Variants in CRYZL1 observed in about 807,000 individuals in gnomAD.
CRYZL1 encodes crystallin zeta like 1, also known as ferry endosomal RAB5 effector complex subunit 4.
CRYZL1 carries 34 observed loss-of-function variants against 50.6 expected under a neutral mutation model. The ratio of observed to expected loss-of-function variants is 0.67; its 90% CI spans 0.51 to 0.89. The LOEUF is 0.89. Ranked by LOEUF, CRYZL1 falls within the 40% of genes least tolerant of loss-of-function variation. The pLI, the probability that CRYZL1 is intolerant of heterozygous loss-of-function variation, is 0.00. For missense variants in CRYZL1, 354 were observed against 402.3 expected, an observed-to-expected ratio of 0.88 and a Z score of 1.03; for synonymous variants, 125 against 134.3, an observed-to-expected ratio of 0.93 and a Z score of 0.48.
chr21:33,639,443 A>G (rs2087250407), intron 1 of CRYZL1, among the ~76,000 whole-genome samples: 1 of 152,246 alleles, frequency 6.6e-6, no homozygotes, highest in African/African-American at 2.4e-5. Flanking sequence ...GGTGTGATGA[A>G]TGAGTCTTCC....
Position 33,613,581 on chromosome 21 carries a change from G to A in CRYZL1, c.288C>T (p.Asp96=), listed in dbSNP as rs750095337. Residue 96 remains aspartate (D), a synonymous_variant, in exon 6 of 13, where the codon GAC becomes GAT. Coordinates refer to ENST00000381554, the MANE Select transcript of CRYZL1 (RefSeq NM_145858.3). ...VVGILPLDSE[D]PGLCEVVRVH... ...CTCTAACAACTTCACAAAGTCCAGG[G>A]TCTTCAGAGTCCAGGGGCAAAATTC... The A allele has an allele frequency of 1.2e-6, 2 of 1,613,300 alleles. No homozygotes were observed. Among genetic ancestry groups the A allele is most frequent in the Non-Finnish European group, 1.7e-6 (2 of 1,179,326 alleles).
chr21:33,640,153 A>G, intron 1 of CRYZL1: 1 of 1,548,436 alleles, frequency 6.5e-7, no homozygotes, highest in East Asian at 2.5e-5. Flanking sequence ...TCTTCTGCTC[A>G]TAAAACTCTC....
intron 4 of CRYZL1, among the ~76,000 whole-genome samples, chr21:33,621,078 T>C (rs922763156): frequency 4.1e-5 from 6 of 148,118 alleles, no homozygotes; most frequent in South Asian, 2.1e-4. Flanking sequence ...GCTAATTTTT[T>C]GTATTTTTAG....
intron 1 of CRYZL1, among the ~76,000 whole-genome samples, chr21:33,634,891 ATAT>A (rs2087185764): frequency 2.7e-5 from 4 of 149,552 alleles, no homozygotes; most frequent in African/African-American, 9.7e-5. Context: ...ATATATATAT[ATAT>A]ATATATATAT....
At chr21:33,610,448 G>A (rs2086859694) in intron 6 of CRYZL1, among the ~76,000 whole-genome samples, 1 of 152,096 alleles carries the variant, frequency 6.6e-6, no homozygotes, top group South Asian at 2.1e-4. Flanking sequence ...GAGCCACCAC[G>A]CCTGTCGTAC....
At chr21:33,640,533 A>C (rs2087273028) in intron 1 of CRYZL1, among the ~76,000 whole-genome samples, 1 of 152,228 alleles carries the variant, frequency 6.6e-6, no homozygotes, top group South Asian at 2.1e-4. Context: ...ATAAGGATTA[A>C]ATAATACCTG....
At chr21:33,621,088 G>T (rs1198373583) in intron 4 of CRYZL1, among the ~76,000 whole-genome samples, 6 of 148,228 alleles carry the variant, frequency 4.0e-5, no homozygotes, top group Admixed American at 1.3e-4. Context: ...TGTATTTTTA[G>T]TAGAGACAGG....
In CRYZL1 at chr21:33,595,750, T is replaced by C. The variant is rs756547679; in HGVS notation, c.885A>G (p.Val295=). The change falls in exon 11 of 13, where the codon GTA becomes GTG. Residue 295 remains valine, a synonymous_variant. Coordinates refer to ENST00000381554, the MANE Select transcript of CRYZL1 (RefSeq NM_145858.3). ...LNDEVWNLSN[V]QQGKYLCILK... Reference sequence around the variant, plus strand: ...GGATATAAAGATATTTTCCCTGTTGTACATTTGACAAATTCCAAACTTCAT... The same window carrying C: ...GGATATAAAGATATTTTCCCTGTTGCACATTTGACAAATTCCAAACTTCAT... 1.9e-6 allele frequency: 3 copies of C among 1,613,874 alleles called. No homozygotes were observed. Among genetic ancestry groups the C allele is most frequent in the Non-Finnish European group, 1.7e-6 (2 of 1,179,744 alleles).
chr21:33,640,721 A>G (rs866304223), intron 1 of CRYZL1, among the ~76,000 whole-genome samples: 1 of 152,224 alleles, frequency 6.6e-6, no homozygotes. Context: ...TAATTTCTGC[A>G]GTAGGCTACT....
chr21:33,591,283 G>A, intron 11 of CRYZL1, 76 bp from the exon 12 acceptor site: 3 of 1,170,072 alleles, frequency 2.6e-6, no homozygotes, highest in Admixed American at 1.7e-5. Flanking sequence ...AGGATGCCAG[G>A]CAGGCCACTT....
At chr21:33,596,278 T>C in intron 10 of CRYZL1, 1 of 399,480 alleles carries the variant, frequency 2.5e-6, no homozygotes, top group Non-Finnish European at 5.0e-6. Flanking sequence ...GTGATAATTT[T>C]ATATAGAAAT....
At chr21:33,631,354 T>C in intron 2 of CRYZL1, 132 bp downstream of exon 2, 1 of 526,890 alleles carries the variant, frequency 1.9e-6, no homozygotes, top group Non-Finnish European at 3.2e-6. Flanking sequence ...TAAAGGAAAG[T>C]ACTGTAATTT....
At chr21:33,637,760 CATAT>C (rs10536195) in intron 1 of CRYZL1, among the ~76,000 whole-genome samples, 15,293 of 131,598 alleles carry the variant, frequency 0.12, 1,031 homozygotes, top group East Asian at 0.35. Context: ...AAGAGAAAAA[CATAT>C]ATATATATAT....
chr21:33,602,350 GT>G lies in CRYZL1; in HGVS notation c.466-6del. ...AATAGCTATTGTACCAAATGCCTGTGTAGAAAAAAATATACAGTGGGTGTAT... is the reference window on the plus strand; with the variant it reads ...AATAGCTATTGTACCAAATGCCTGTGAGAAAAAAATATACAGTGGGTGTAT... On this transcript the variant is annotated splice_region_variant and splice_polypyrimidine_tract_variant and intron_variant, in intron 7 of 12. Transcript: ENST00000381554. 1 of 1,504,048 alleles carries G rather than the reference GT, an allele frequency of 6.6e-7. No homozygotes were observed. Among genetic ancestry groups the G allele is most frequent in the Non-Finnish European group, 9.3e-7 (1 of 1,080,442 alleles). 93.2% of individuals were successfully genotyped at this position (1,504,048 alleles called of 1,614,324 possible).
intron 11 of CRYZL1, among the ~76,000 whole-genome samples, chr21:33,593,644 A>T (rs1243735674): frequency 6.6e-6 from 1 of 152,184 alleles, no homozygotes; most frequent in East Asian, 1.9e-4. Flanking sequence ...ATTAAGTTAT[A>T]TACTATAAGC....
intron 5 of CRYZL1, among the ~76,000 whole-genome samples, chr21:33,614,457 C>A (rs1213390419): frequency 2.0e-5 from 3 of 152,178 alleles, no homozygotes; most frequent in Admixed American, 2.0e-4. Flanking sequence ...CCACTGCACT[C>A]CAGCCTGGGT....
intron 1 of CRYZL1, among the ~76,000 whole-genome samples, chr21:33,637,788 T>TATATATATATAC (rs1491462371): frequency 1.5e-4 from 18 of 117,204 alleles, no homozygotes; most frequent in African/African-American, 5.3e-4. Flanking sequence ...TATATATATA[T>TATATATATATAC]ACACACACAC....
chr21:33,627,361 A>C (rs1383883699), intron 2 of CRYZL1, among the ~76,000 whole-genome samples: 2 of 151,974 alleles, frequency 1.3e-5, no homozygotes, highest in African/African-American at 4.8e-5. Context: ...AGCCTCCCAA[A>C]GTGCTGGGAT....
intron 1 of CRYZL1, among the ~76,000 whole-genome samples, chr21:33,634,335 C>G (rs2087176809): frequency 6.6e-6 from 1 of 152,162 alleles, no homozygotes; most frequent in Non-Finnish European, 1.5e-5. Flanking sequence ...TACCCTCTAT[C>G]TAGTTAGTAT....
Sources: allele counts gnomAD v4.1 joint callset (sites outside exome capture counted in the v4.1 genomes callset), GRCh38; gene constraint gnomAD v4.1.1; transcripts MANE v1.5; gene names NCBI Gene and HGNC (gene_info 2026-07-23, HGNC 2026-07-21).